The following WHRN variants were observed in gnomAD, a reference collection of about 807,000 sequenced individuals.
WHRN encodes CASK-interacting protein CIP98.
In WHRN, 41 loss-of-function variants were observed where a neutral mutation model predicts 68.3. That is an observed-to-expected ratio of 0.60 (90% confidence interval 0.47 to 0.78). WHRN has a LOEUF of 0.78. WHRN is among the 30% of genes least tolerant of loss of function. The pLI is 0.00. For synonymous variants in WHRN, 560 were observed against 561.3 expected (o/e 1.00, Z 0.03); for missense variants, 1,243 against 1,244.7 (o/e 1.00, Z 0.02).
At chr9:114,424,271 G>A in intron 6 of WHRN, 63 bp downstream of exon 6, 1 of 1,571,724 alleles carries the variant, frequency 6.4e-7, no homozygotes, top group Non-Finnish European at 8.7e-7. Context: ...AAGGAGCGGG[G>A]GCAGGGCAGG....
intron 3 of WHRN, among the ~76,000 whole-genome samples, chr9:114,463,780 A>C (rs1291875824): frequency 2.0e-5 from 3 of 152,232 alleles, no homozygotes; most frequent in African/African-American, 7.2e-5. Context: ...TACCTGCTAA[A>C]AGCAAAGCAA....
intron 3 of WHRN, among the ~76,000 whole-genome samples, chr9:114,449,979 T>C (rs1839178493): frequency 6.6e-6 from 1 of 152,056 alleles, no homozygotes; most frequent in Non-Finnish European, 1.5e-5. Context: ...TACAGGAGCT[T>C]GGGAAGCACT....
chr9:114,482,025 GC>G (rs1842130896), intron 1 of WHRN, among the ~76,000 whole-genome samples: 1 of 152,028 alleles, frequency 6.6e-6, no homozygotes, highest in Non-Finnish European at 1.5e-5. Flanking sequence ...TGACACTTGA[GC>G]CTGGTGAGGG....
At chr9:114,425,890 T>C (rs1410311859) in intron 4 of WHRN, 1 of 417,996 alleles carries the variant, frequency 2.4e-6, no homozygotes, top group Non-Finnish European at 4.5e-6. Flanking sequence ...CTCTCTTTCA[T>C]CTGCACAGAT....
At position 114,452,824 on chromosome 9, in the gene WHRN, C is replaced by T. The variant is rs543953766; in HGVS notation, c.963+13443G>A. ...TCACAGATCTCAGCTGCCAACCCTCCATTTCACACATGGGGATGCTGAGGG... is the reference window on the plus strand; with the variant it reads ...TCACAGATCTCAGCTGCCAACCCTCTATTTCACACATGGGGATGCTGAGGG... On this transcript the variant is annotated intron_variant, in intron 3 of 11. Coordinates refer to ENST00000362057, the MANE Select transcript of WHRN (RefSeq NM_015404.4). Among the ~76,000 whole-genome samples, 4 of 152,328 alleles carry T rather than the reference C, an allele frequency of 2.6e-5. No homozygotes were observed. The South Asian group carries it at 6.2e-4, about 24-fold the overall frequency.
At chr9:114,435,138 C>T (rs1837740634) in intron 3 of WHRN, among the ~76,000 whole-genome samples, 1 of 152,168 alleles carries the variant, frequency 6.6e-6, no homozygotes, top group African/African-American at 2.4e-5. Context: ...CCCCCTCGCC[C>T]AGGGCACCGT....
At chr9:114,499,520 C>A (rs2079239701) in intron 1 of WHRN, among the ~76,000 whole-genome samples, 1 of 152,226 alleles carries the variant, frequency 6.6e-6, no homozygotes, top group African/African-American at 2.4e-5. Context: ...CCAAAGGCTT[C>A]CCTTCCAGGT....
At chr9:114,461,692 A>C (rs1330917342) in intron 3 of WHRN, among the ~76,000 whole-genome samples, 1 of 152,110 alleles carries the variant, frequency 6.6e-6, no homozygotes, top group East Asian at 1.9e-4. Flanking sequence ...CCTCTTTCAC[A>C]TAATTAGTTT....
At chr9:114,407,855 C>T in intron 8 of WHRN, 92 bp downstream of exon 8, 1 of 1,100,772 alleles carries the variant, frequency 9.1e-7, no homozygotes, top group East Asian at 2.6e-5. Context: ...CCACCCTGTG[C>T]CCTTTCTCCG....
At chr9:114,423,264 C>T in intron 7 of WHRN, 50 bp downstream of exon 7, 1 of 1,596,608 alleles carries the variant, frequency 6.3e-7, no homozygotes, top group Non-Finnish European at 8.6e-7. Flanking sequence ...AAGCCAGCAT[C>T]TTAACTCTGC....
chr9:114,465,986 G>GC lies in WHRN; in HGVS notation c.963+280dup, dbSNP rs138194289. ...ACTTTCTCTCCTCTATCCTCTCCAC[G>GC]CATCGTAACAAACCCTGAGGTCAGG... On this transcript the variant is annotated intron_variant, in intron 3 of 11. Transcript: ENST00000362057. 0.011 allele frequency among the ~76,000 whole-genome samples: 1,638 copies of GC among 152,262 alleles called. 10 individuals are homozygous for GC. The highest frequency in any genetic ancestry group is 0.017 in the Non-Finnish European group (1,157 of 68,010).
intron 7 of WHRN, among the ~76,000 whole-genome samples, chr9:114,414,643 CAG>C (rs1160385546): frequency 1.3e-5 from 2 of 152,224 alleles, no homozygotes; most frequent in African/African-American, 4.8e-5. Flanking sequence ...CAAGTTGTCA[CAG>C]GGGAAGGCAG....
In WHRN at chr9:114,446,823, G is replaced by A. The variant is rs367814792; in HGVS notation, c.963+19444C>T. ...TACCCTCACTCACTCCTAGTGCCACGTGCATCCCTAGGTGCGTCTAGCCAG... is the reference window on the plus strand; with the variant it reads ...TACCCTCACTCACTCCTAGTGCCACATGCATCCCTAGGTGCGTCTAGCCAG... On this transcript the variant is annotated intron_variant, in intron 3 of 11. Coordinates refer to ENST00000362057, the MANE Select transcript of WHRN (RefSeq NM_015404.4). 6.6e-5 allele frequency among the ~76,000 whole-genome samples: 10 copies of A among 152,094 alleles called. 1 individual carries two copies. Among genetic ancestry groups the A allele is most frequent in the African/African-American group, 2.2e-4 (9 of 41,442 alleles).
rs913112526 is a variant in WHRN, at chr9:114,492,914, G to C, written c.618+11270C>G. ...AGCCTGTAGTCCCAGCTACTCGGGA[G>C]GCTGAGGCAGGAGAATTGCTTGAGC... On this transcript the variant is annotated intron_variant, in intron 1 of 11. Coordinates refer to ENST00000362057, the MANE Select transcript of WHRN (RefSeq NM_015404.4). 4.6e-5 allele frequency among the ~76,000 whole-genome samples: 7 copies of C among 152,318 alleles called. No homozygotes were observed. In the East Asian group the frequency reaches 1.3e-3, roughly 29 times the overall value.
In WHRN at chr9:114,504,999, C is replaced by G; in HGVS notation, c.-198G>C. On this transcript the variant is annotated 5_prime_UTR_variant, in exon 1 of 12. Transcript: ENST00000362057. Reference sequence around the variant, plus strand: ...TGCTAGAGTCCCGGAGGCGCGAAGACGGCGGGGGTCGCGAACCTGGAATCC... The same window carrying G: ...TGCTAGAGTCCCGGAGGCGCGAAGAGGGCGGGGGTCGCGAACCTGGAATCC... 1 of 743,320 alleles carries G rather than the reference C, an allele frequency of 1.3e-6. No individual in the cohort carries two copies. Among genetic ancestry groups the G allele is most frequent in the Non-Finnish European group, 1.9e-6 (1 of 533,396 alleles). The allele number at this position is 743,320 out of a possible 1,614,324, so 46.0% of individuals were successfully genotyped here. A position where few individuals can be genotyped will look rare whatever the true frequency, so the allele number is the denominator to read the frequency against.
rs201025266 is a variant in WHRN, at chr9:114,504,646, C to T, written c.156G>A (p.Glu52=). ...LHQALTALLS[E]AEREQFTHCL... Reference sequence around the variant, plus strand: ...AGTGGGTGAACTGCTCCCGCTCCGCCTCGCTCAGCAGCGCGGTCAGCGCTT... The same window carrying T: ...AGTGGGTGAACTGCTCCCGCTCCGCTTCGCTCAGCAGCGCGGTCAGCGCTT... Residue 52 remains glutamate, a synonymous_variant, in exon 1 of 12, where the codon GAG becomes GAA. Transcript: ENST00000362057. 5.3e-5 allele frequency: 85 copies of T among 1,607,082 alleles called. No homozygotes were observed. The East Asian group carries it at 1.8e-3, about 34-fold the overall frequency.
At chr9:114,498,725 C>T (rs1022471979) in intron 1 of WHRN, among the ~76,000 whole-genome samples, 2 of 152,166 alleles carry the variant, frequency 1.3e-5, no homozygotes, top group Non-Finnish European at 1.5e-5. Flanking sequence ...CTGGCATTGT[C>T]TTCCAGGAGG....
At chr9:114,426,057 T>C in intron 4 of WHRN, 154 bp downstream of exon 4, 1 of 889,912 alleles carries the variant, frequency 1.1e-6, no homozygotes, top group Middle Eastern at 3.2e-4. Context: ...AGGAGAGGGA[T>C]GTGCCCAGGT....
intron 7 of WHRN, among the ~76,000 whole-genome samples, chr9:114,409,582 C>T (rs1343918044): frequency 6.6e-6 from 1 of 152,118 alleles, no homozygotes; most frequent in Admixed American, 6.5e-5. Flanking sequence ...AGTGGGTTGC[C>T]ATGGAGATGT....
Sources: gnomAD v4.1 joint callset for allele counts (sites outside exome capture counted in the v4.1 genomes callset) on GRCh38, gnomAD v4.1.1 for gene constraint, MANE v1.5 for transcripts, NCBI Gene and HGNC (gene_info 2026-07-23, HGNC 2026-07-21) for gene names.